MATR3: variants seen among roughly 807,000 people sequenced by gnomAD.
The protein encoded by MATR3 is matrin-3.
In MATR3, 4 loss-of-function variants were observed where a neutral mutation model predicts 85.5. That is an observed-to-expected ratio of 0.05 (90% CI 0.02 to 0.11). The LOEUF is 0.11. Ranked by LOEUF, MATR3 falls within the 10% of genes least tolerant of loss-of-function variation. MATR3 has a pLI of 1.00. For missense variants in MATR3, 685 were observed against 1,016.1 expected, an observed-to-expected ratio of 0.67 and a Z score of 4.43; for synonymous variants, 336 against 343.1, an observed-to-expected ratio of 0.98 and a Z score of 0.23.
At chr5:139,289,229 A>G (rs1753798868), upstream of MATR3, among the ~76,000 whole-genome samples, 1 of 152,230 alleles carries the variant, frequency 6.6e-6, no homozygotes, top group South Asian at 2.1e-4. Flanking sequence ...CAGATGTAAG[A>G]TTGCAGTTCC....
intron 2 of MATR3, chr5:139,312,120 T>C (rs559068441): frequency 6.6e-6 from 1 of 152,232 alleles, no homozygotes; most frequent in South Asian, 2.1e-4. Flanking sequence ...CTTAGAGCCA[T>C]TTTTATTTTA....
intron 2 of MATR3, among the ~76,000 whole-genome samples, chr5:139,309,747 T>C (rs1479665373): frequency 6.6e-6 from 1 of 152,178 alleles, no homozygotes; most frequent in African/African-American, 2.4e-5. Flanking sequence ...CTACTAAATA[T>C]ATCATGGAAT....
upstream of MATR3, among the ~76,000 whole-genome samples, chr5:139,293,103 T>A (rs1013123134): frequency 1.3e-5 from 2 of 149,876 alleles, no homozygotes; most frequent in Admixed American, 6.6e-5. Flanking sequence ...AAAATAAAAA[T>A]AAAAAAGTTA....
At chr5:139,311,702 T>C (rs1754983133) in intron 2 of MATR3, 1 of 147,706 alleles carries the variant, frequency 6.8e-6, no homozygotes, top group Non-Finnish European at 1.5e-5. Flanking sequence ...CTGAATATTT[T>C]TAGTTCAGAG....
intron 3 of MATR3, among the ~76,000 whole-genome samples, chr5:139,285,597 T>C (rs927660683): frequency 2.0e-5 from 3 of 152,094 alleles, no homozygotes; most frequent in Non-Finnish European, 4.4e-5. Context: ...TATTTGAACC[T>C]GGGAGGTGGA....
intron 7 of MATR3, 75 bp from the exon 8 acceptor site, chr5:139,318,832 AG>A: frequency 1.4e-6 from 2 of 1,389,388 alleles, no homozygotes; most frequent in Non-Finnish European, 2.0e-6. Flanking sequence ...GTTATTTTTT[AG>A]GAAAAAAAAT....
chr5:139,306,657 T>A (rs1754721343), intron 1 of MATR3, among the ~76,000 whole-genome samples: 1 of 152,232 alleles, frequency 6.6e-6, no homozygotes, highest in Non-Finnish European at 1.5e-5. Flanking sequence ...CTTATTTTTC[T>A]TATTCACATC....
At chr5:139,320,011 TAAAAAATATA>T (rs1755470991) in intron 9 of MATR3, among the ~76,000 whole-genome samples, 1 of 149,982 alleles carries the variant, frequency 6.7e-6, no homozygotes, top group African/African-American at 2.5e-5. Context: ...TTCTTGTATT[TAAAAAATATA>T]GAGTTAGCCA....
chr5:139,307,372 ATTTTT>A lies in MATR3; in HGVS notation c.-37_-33del, dbSNP rs372628597. The stretch of plus-strand genomic sequence containing the variant: ...TTTCTTTTTGGCCGTCTTTAAAAAA[ATTTTT>A]TTTTTTAATCTATAAAATAGACAAG... On this transcript the variant is annotated 5_prime_UTR_variant, in exon 2 of 15. Coordinates refer to ENST00000394805, the MANE Select transcript of MATR3 (RefSeq NM_018834.6). The surrounding 1 kb of genome is among the most constrained non-coding windows in gnomAD (Gnocchi z 4.4). The A allele has an allele frequency of 2.0e-6, 3 of 1,496,330 alleles. No homozygotes were observed. The African/African-American group carries it at 4.3e-5, about 22-fold the overall frequency. The allele number at this position is 1,496,330 out of a possible 1,614,324, so 92.7% of individuals were successfully genotyped here. A position where few individuals can be genotyped will look rare whatever the true frequency, so the allele number is the denominator to read the frequency against.
intron 9 of MATR3, among the ~76,000 whole-genome samples, chr5:139,319,948 C>CTTTT (rs201546262): frequency 6.4e-3 from 280 of 43,638 alleles, no homozygotes; most frequent in African/African-American, 0.02. Flanking sequence ...CTTTTCTTTT[C>CTTTT]TTTTTTTTTT....
rs574404202 is a variant in MATR3 at position 139,326,454 on chromosome 5, CTTG to C, written c.2493+174_2493+176del. 2.5e-3 allele frequency among the ~76,000 whole-genome samples: 366 copies of C among 146,464 alleles called. 5 individuals are homozygous for C. Among genetic ancestry groups the C allele is most frequent in the Admixed American group, 5.1e-3 (74 of 14,574 alleles). ...TTTTTTTTTTAAAGACAGTTTCTCT[CTTG>C]TTGCCCAGGTTGGATTGCAATGGTG... On this transcript the variant is annotated intron_variant, in intron 14 of 14. Transcript: ENST00000394805.
Position 139,329,699 on chromosome 5 carries a change from G to C in MATR3, c.*304G>C. The stretch of plus-strand genomic sequence containing the variant: ...TAAGAAAAAAATGTAGAACCATTTG[G>C]AAAAATGAAATTTAGTAGTTCCAAG... On this transcript the variant is annotated 3_prime_UTR_variant, in exon 15 of 15. Transcript: ENST00000394805. 1 of 467,682 alleles carries C rather than the reference G, an allele frequency of 2.1e-6. No individual in the cohort carries two copies. The highest frequency in any genetic ancestry group is 1.6e-5 in the South Asian group (1 of 64,128). The allele number at this position is 467,682 out of a possible 1,614,324, so 29.0% of individuals were successfully genotyped here.
At chr5:139,323,092 C>A in intron 12 of MATR3, 125 bp downstream of exon 12, 1 of 959,692 alleles carries the variant, frequency 1.0e-6, no homozygotes. Context: ...CAGATATGAA[C>A]CAGAATATAA....
rs139364907 is a variant in MATR3, at chr5:139,309,505, C to G, written c.912+1178C>G. Among the ~76,000 whole-genome samples, 1,345 of 151,948 alleles carry G rather than the reference C, an allele frequency of 8.9e-3. 17 individuals carry two copies. Among genetic ancestry groups the G allele is most frequent in the Middle Eastern group, 0.017 (5 of 294 alleles). On this transcript the variant is annotated intron_variant, in intron 2 of 14. Transcript: ENST00000394805. ...AAATCATACCATTGTTTTTAATATT[C>G]TGTTAAAGAGTATTACCAGTCACTC...
intron 1 of MATR3, among the ~76,000 whole-genome samples, chr5:139,297,944 A>G (rs1754241509): frequency 6.6e-6 from 1 of 152,310 alleles, no homozygotes; most frequent in East Asian, 1.9e-4. Context: ...TTGCCTGTGG[A>G]GAAGGAGAGA....
intron 3 of MATR3, chr5:139,315,120 C>A: frequency 4.9e-6 from 1 of 204,182 alleles, no homozygotes; most frequent in Non-Finnish European, 1.0e-5. Context: ...GATTCTAATT[C>A]ATTGTCCAGC....
intron 1 of MATR3, chr5:139,294,966 T>C (rs1754068197): frequency 6.6e-6 from 1 of 152,202 alleles, no homozygotes; most frequent in South Asian, 2.1e-4. Context: ...TCGGGCGCGC[T>C]GGAATAATGT....
At chr5:139,285,940 TCAGAAAGAG>T (rs1237149872) in intron 3 of MATR3, among the ~76,000 whole-genome samples, 1 of 152,084 alleles carries the variant, frequency 6.6e-6, no homozygotes, top group African/African-American at 2.4e-5. Flanking sequence ...TTTGGGTATT[TCAGAAAGAG>T]CAGAATAAAG....
intron 2 of MATR3, among the ~76,000 whole-genome samples, chr5:139,308,735 G>A (rs1754827684): frequency 6.6e-6 from 1 of 152,156 alleles, no homozygotes; most frequent in African/African-American, 2.4e-5. Context: ...TTTGTATGTA[G>A]TAAAGATGTA....
Sources: gnomAD v4.1 joint callset for allele counts (sites outside exome capture counted in the v4.1 genomes callset) on GRCh38, gnomAD v4.1.1 for gene constraint, Gnocchi (gnomAD v3.1) non-coding constraint, MANE v1.5 for transcripts, NCBI Gene and HGNC (gene_info 2026-07-23, HGNC 2026-07-21) for gene names.